The following DPP6 variants were observed in gnomAD, a reference collection of about 807,000 sequenced individuals.
DPP6 encodes the protein dipeptidyl peptidase like 6.
DPP6 carries 69 observed loss-of-function variants against 122.6 expected under a neutral mutation model. That is an observed-to-expected ratio of 0.56 (90% CI 0.46 to 0.69). The LOEUF (loss-of-function observed/expected upper bound fraction) is 0.69. DPP6 is among the 30% of genes least tolerant of loss of function. DPP6 has a pLI of 0.00. For synonymous variants in DPP6, 418 were observed against 433.1 expected (o/e 0.97, Z 0.43); for missense variants, 928 against 1,116.9 (o/e 0.83, Z 2.41).
chr7:154,581,774 AG>A (rs1196007806), intron 5 of DPP6, among the ~76,000 whole-genome samples: 2 of 152,192 alleles, frequency 1.3e-5, no homozygotes, highest in African/African-American at 2.4e-5. Flanking sequence ...TGGAGTGGGA[AG>A]GTTGGCTTGT....
At chr7:153,995,903 A>G (rs1797408376) in intron 1 of DPP6, among the ~76,000 whole-genome samples, 1 of 152,214 alleles carries the variant, frequency 6.6e-6, no homozygotes. Flanking sequence ...TGCTGCTTCC[A>G]AACATCTATG....
chr7:154,295,943 T>C (rs1014496878), intron 1 of DPP6, among the ~76,000 whole-genome samples: 8 of 100,636 alleles, frequency 7.9e-5, no homozygotes, highest in Admixed American at 4.0e-4. Context: ...AACAGTTGCT[T>C]CTTTTTTTTT....
chr7:154,007,191 A>G (rs1423125580), intron 1 of DPP6, among the ~76,000 whole-genome samples: 1 of 152,172 alleles, frequency 6.6e-6, no homozygotes, highest in Non-Finnish European at 1.5e-5. Flanking sequence ...ACATTTGTCT[A>G]TTCAGCAAAC....
chr7:154,671,411 GA>G (rs1838544409), intron 7 of DPP6, among the ~76,000 whole-genome samples: 1 of 152,202 alleles, frequency 6.6e-6, no homozygotes, highest in Admixed American at 6.6e-5. Context: ...GTCAGGAGAA[GA>G]CCATCATAAT....
chr7:153,885,472 C>CAT (rs764476037), upstream of DPP6, among the ~76,000 whole-genome samples: 9,217 of 152,084 alleles, frequency 0.061, 480 homozygotes, highest in East Asian at 0.25. Flanking sequence ...CAGAGAGGTG[C>CAT]CTTTCCTCAC....
Position 154,259,582 on chromosome 7 carries a change from A to C in DPP6, c.244-186632A>C, listed in dbSNP as rs895835741. Among the ~76,000 whole-genome samples, 13 of 152,264 alleles carry C rather than the reference A, an allele frequency of 8.5e-5. No individual in the cohort carries two copies. In the South Asian group the frequency reaches 1.0e-3, roughly 12 times the overall value. On this transcript the variant is annotated intron_variant, in intron 1 of 25. Coordinates refer to ENST00000377770, the MANE Select transcript of DPP6 (RefSeq NM_130797.4). ...GGACAGCTGCTCAGGGGTGAATGAG[A>C]AACAGGTTTGAGCAGAAGCTGGGCT...
chr7:154,224,430 TTCTGTGCTCTGGATAAAAA>T (rs1043079992), intron 1 of DPP6, among the ~76,000 whole-genome samples: 2 of 149,168 alleles, frequency 1.3e-5, no homozygotes, highest in African/African-American at 5.1e-5. Flanking sequence ...GACTGCTAAG[TTCTGTGCTCTGGATAAAAA>T]TGAAACTCAA....
At chr7:154,868,771 C>T (rs1450200801) in intron 18 of DPP6, among the ~76,000 whole-genome samples, 2 of 152,194 alleles carry the variant, frequency 1.3e-5, no homozygotes, top group Admixed American at 6.5e-5. Flanking sequence ...CGGCTGGCCC[C>T]GTGTCCTCAC....
At chr7:154,456,298 T>TA (rs2151307615) in intron 2 of DPP6, among the ~76,000 whole-genome samples, 1 of 152,326 alleles carries the variant, frequency 6.6e-6, no homozygotes, top group South Asian at 2.1e-4. Context: ...TGCTACTTCA[T>TA]AATCCTCAAA....
At chr7:153,797,068 C>T in the DPP6 span, among the ~76,000 whole-genome samples, 1 of 152,150 alleles carries the variant, frequency 6.6e-6, no homozygotes, top group Non-Finnish European at 1.5e-5. Flanking sequence ...ACACCAACTG[C>T]CAAGGGCCTG....
At chr7:154,193,896 G>A (rs966132904) in intron 1 of DPP6, among the ~76,000 whole-genome samples, 2 of 152,012 alleles carry the variant, frequency 1.3e-5, no homozygotes, top group East Asian at 1.9e-4. Context: ...AGGGGTGTGC[G>A]CTGGTCTCAA....
At chr7:154,485,402 C>A (rs1159713111) in intron 3 of DPP6, among the ~76,000 whole-genome samples, 1 of 152,098 alleles carries the variant, frequency 6.6e-6, no homozygotes, top group Non-Finnish European at 1.5e-5. Context: ...TCGCACCTTT[C>A]CTTAAGAGAA....
At chr7:154,509,944 G>A (rs559729698) in intron 3 of DPP6, among the ~76,000 whole-genome samples, 7 of 152,064 alleles carry the variant, frequency 4.6e-5, no homozygotes, top group Non-Finnish European at 2.9e-5. Flanking sequence ...GGGCATGGGG[G>A]CAAAGAAAGT....
At chr7:154,655,485 G>A (rs1837178867) in intron 6 of DPP6, among the ~76,000 whole-genome samples, 1 of 152,008 alleles carries the variant, frequency 6.6e-6, no homozygotes, top group African/African-American at 2.4e-5. Flanking sequence ...AGCTGCCAGG[G>A]CTGCTTTAAA....
chr7:154,320,475 GTT>G (rs897766011), intron 1 of DPP6, among the ~76,000 whole-genome samples: 4 of 81,082 alleles, frequency 4.9e-5, no homozygotes, highest in South Asian at 4.9e-4. Flanking sequence ...ATTGTACTTT[GTT>G]TTTTTTTTTG....
intron 1 of DPP6, among the ~76,000 whole-genome samples, chr7:154,345,497 G>A (rs1245736121): frequency 6.6e-6 from 1 of 152,160 alleles, no homozygotes; most frequent in Non-Finnish European, 1.5e-5. Context: ...GTTGGAAAGT[G>A]GGGAGGAAGG....
At chr7:154,001,445 C>T (rs1797683527) in intron 1 of DPP6, among the ~76,000 whole-genome samples, 1 of 146,906 alleles carries the variant, frequency 6.8e-6, no homozygotes, top group African/African-American at 2.5e-5. Flanking sequence ...AAGTTCAGTA[C>T]ATAAAACCAT....
chr7:154,583,896 T>G (rs1455373770), intron 5 of DPP6, among the ~76,000 whole-genome samples: 1 of 152,098 alleles, frequency 6.6e-6, no homozygotes, highest in African/African-American at 2.4e-5. Context: ...ACATCAGCAC[T>G]TTAGGAAAAA....
At chr7:154,379,638 G>T (rs1813424367) in intron 1 of DPP6, among the ~76,000 whole-genome samples, 1 of 152,152 alleles carries the variant, frequency 6.6e-6, no homozygotes, top group Non-Finnish European at 1.5e-5. Flanking sequence ...GCATGATTAT[G>T]CAATTCCCAA....
Sources: allele counts gnomAD v4.1 joint callset (sites outside exome capture counted in the v4.1 genomes callset), GRCh38; gene constraint gnomAD v4.1.1; transcripts MANE v1.5; gene names NCBI Gene and HGNC (gene_info 2026-07-23, HGNC 2026-07-21).